Variants in C6 observed in about 807,000 individuals in gnomAD.
C6 encodes the protein complement C6.
C6 carries 101 observed loss-of-function variants against 112.9 expected under a neutral mutation model. That is an observed-to-expected ratio of 0.89 (90% CI 0.76 to 1.06). C6 has a LOEUF of 1.06. C6 is among the 50% of genes least tolerant of loss of function. The pLI is 0.00. For synonymous variants in C6, 431 were observed against 384.1 expected, an observed-to-expected ratio of 1.12 and a Z score of -1.43; for missense variants, 1,202 against 1,104.6, an observed-to-expected ratio of 1.09 and a Z score of -1.25.
At chr5:41,217,830 C>A (rs531471368), upstream of C6, among the ~76,000 whole-genome samples, 1 of 152,062 alleles carries the variant, frequency 6.6e-6, no homozygotes, top group Non-Finnish European at 1.5e-5. Flanking sequence ...AAAAAAAAGC[C>A]TATTGAAGTC....
intron 1 of C6, among the ~76,000 whole-genome samples, chr5:41,248,973 A>G (rs80049874): frequency 0.024 from 3,707 of 152,330 alleles, 162 homozygotes; most frequent in African/African-American, 0.083. Context: ...CTATATAGTC[A>G]TAAAAAAGAA....
At position 41,194,717 on chromosome 5, in the gene C6, T is replaced by C. The variant is rs187338945; in HGVS notation, c.587+1075A>G. The stretch of plus-strand genomic sequence containing the variant: ...AGGGGAGAGTATAGGAGATTATCTT[T>C]ACTGATTTTTTCTTATGTTTCAAAT... On this transcript the variant is annotated intron_variant, in intron 5 of 17. Transcript: ENST00000337836. Among the ~76,000 whole-genome samples, 716 of 132,018 alleles carry C rather than the reference T, an allele frequency of 5.4e-3. 6 individuals carry two copies. The highest frequency in any genetic ancestry group is 0.018 in the African/African-American group (656 of 37,268). 86.6% of individuals were successfully genotyped at this position (132,018 alleles called of 152,430 possible).
At chr5:41,242,022 C>T (rs995849244) in intron 1 of C6, among the ~76,000 whole-genome samples, 3 of 152,044 alleles carry the variant, frequency 2.0e-5, no homozygotes, top group African/African-American at 7.2e-5. Context: ...TATATAGTTA[C>T]CTTGAATAAT....
At chr5:41,156,522 T>C (rs1422869637) in intron 13 of C6, among the ~76,000 whole-genome samples, 2 of 152,178 alleles carry the variant, frequency 1.3e-5, no homozygotes, top group East Asian at 1.9e-4. Flanking sequence ...AGTAATGCAA[T>C]ACAATTTTCC....
At chr5:41,154,182 T>C (rs1338233451) in intron 14 of C6, among the ~76,000 whole-genome samples, 184 bp from the exon 15 acceptor site, 1 of 152,240 alleles carries the variant, frequency 6.6e-6, no homozygotes, top group Admixed American at 6.5e-5. Context: ...GACCCTTCAT[T>C]GAAAAATTCC....
rs185940264 is a variant in C6 at position 41,148,097 on chromosome 5, T to A, written c.2623+1144A>T. 1.4e-4 allele frequency among the ~76,000 whole-genome samples: 22 copies of A among 152,348 alleles called. No homozygotes were observed. The East Asian group carries it at 4.0e-3, about 28-fold the overall frequency. ...AATAATATTTACCTAGAAATGTCCC[T>A]TTCTAAGCTATATCTGAAGGATGTA... is the stretch of plus-strand genomic sequence containing the variant. On this transcript the variant is annotated intron_variant, in intron 17 of 17. Coordinates refer to ENST00000337836, the MANE Select transcript of C6 (RefSeq NM_000065.5).
intron 1 of C6, among the ~76,000 whole-genome samples, chr5:41,211,699 G>T (rs888324479): frequency 6.6e-6 from 1 of 151,998 alleles, no homozygotes; most frequent in Non-Finnish European, 1.5e-5. Flanking sequence ...GACCTTTTCA[G>T]CAAGAAAAAC....
chr5:41,149,642 T>A (rs1212448074), intron 16 of C6, among the ~76,000 whole-genome samples, 160 bp from the exon 17 acceptor site: 1 of 152,130 alleles, frequency 6.6e-6, no homozygotes, highest in Non-Finnish European at 1.5e-5. Flanking sequence ...CAGGAAAGTG[T>A]TGATATAACT....
At chr5:41,174,094 C>T (rs915776630) in intron 8 of C6, among the ~76,000 whole-genome samples, 1 of 152,062 alleles carries the variant, frequency 6.6e-6, no homozygotes, top group Non-Finnish European at 1.5e-5. Context: ...AATGAATTAA[C>T]TATAAACTTA....
At chr5:41,186,800 A>G (rs937701754) in intron 5 of C6, among the ~76,000 whole-genome samples, 1 of 152,122 alleles carries the variant, frequency 6.6e-6, no homozygotes, top group Non-Finnish European at 1.5e-5. Flanking sequence ...TATATTTATT[A>G]CAACCATATG....
At chr5:41,185,218 C>T (rs1254903871) in intron 6 of C6, among the ~76,000 whole-genome samples, 1 of 152,140 alleles carries the variant, frequency 6.6e-6, no homozygotes, top group Non-Finnish European at 1.5e-5. Flanking sequence ...AGACATTCCC[C>T]ACCTATCAGT....
In C6 at chr5:41,181,531, G is replaced by A. The variant is rs189209342; in HGVS notation, c.755C>T (p.Thr252Ile). 643 of 1,613,460 alleles carry A rather than the reference G, an allele frequency of 4.0e-4. 13 individuals carry two copies. The Admixed American group carries it at 0.01, about 26-fold the overall frequency. The change falls in exon 7 of 18, where the codon ACA (threonine) becomes ATA (isoleucine). Residue 252 changes from threonine to isoleucine, a missense_variant. Transcript: ENST00000337836. ...EVQTAEDDLK[T>I]DFYKDLTSLG... ...AGAAGTTAAATCCTTGTAGAAATCT[G>A]TTTTCAAGTCATCTTCTGCAGTTTG... is the stretch of plus-strand genomic sequence containing the variant.
In C6 at chr5:41,144,792, G is replaced by A. The variant is rs191037831; in HGVS notation, c.2624-1786C>T. On this transcript the variant is annotated intron_variant, in intron 17 of 17. Coordinates refer to ENST00000337836, the MANE Select transcript of C6 (RefSeq NM_000065.5). The stretch of plus-strand genomic sequence containing the variant: ...GTCTGTTATTTCTTTGTGTCCGTAT[G>A]TTCTCATTGTTTAGCTCCTGCTTAC... Among the ~76,000 whole-genome samples the A allele has an allele frequency of 5.0e-3, 760 of 152,206 alleles. 2 individuals are homozygous for A. The highest frequency in any genetic ancestry group is 0.018 in the African/African-American group (736 of 41,534).
chr5:41,149,521 T>C, intron 16 of C6, 39 bp from the exon 17 acceptor site: 1 of 1,611,836 alleles, frequency 6.2e-7, no homozygotes, highest in Non-Finnish European at 8.5e-7. Flanking sequence ...TATATGAAGA[T>C]CAGAAAAAAA....
chr5:41,204,204 A>C (rs1452674624), intron 1 of C6, among the ~76,000 whole-genome samples: 1 of 152,184 alleles, frequency 6.6e-6, no homozygotes, highest in Admixed American at 6.5e-5. Flanking sequence ...CATTCGCCTA[A>C]TTTTTCTGTC....
At chr5:41,231,997 G>A (rs114469912) in intron 1 of C6, among the ~76,000 whole-genome samples, 1,895 of 151,868 alleles carry the variant, frequency 0.012, 44 homozygotes, top group African/African-American at 0.044. Flanking sequence ...GACTATATCT[G>A]TTTTTTCTGT....
chr5:41,161,723 C>A lies in C6; in HGVS notation c.1428G>T (p.Val476=), dbSNP rs1467629311. 2 of 1,613,552 alleles carry A rather than the reference C, an allele frequency of 1.2e-6. No homozygotes were observed. Among genetic ancestry groups the A allele is most frequent in the Non-Finnish European group, 1.7e-6 (2 of 1,179,622 alleles). Residue 476 remains valine (V), a synonymous_variant, in exon 10 of 18, where the codon GTG becomes GTT. Coordinates refer to ENST00000337836, the MANE Select transcript of C6 (RefSeq NM_000065.5). Reference sequence around the variant, plus strand: ...AGTCAATCACAGCAGGATTTTCCTTCACTGATTCTAACCACTCAGAAAATG... The same window carrying A: ...AGTCAATCACAGCAGGATTTTCCTTAACTGATTCTAACCACTCAGAAAATG... The part of the protein sequence containing the change: ...EKTFSEWLES[V]KENPAVIDFE...
At chr5:41,196,696 G>T (rs1156630572) in intron 4 of C6, among the ~76,000 whole-genome samples, 1 of 151,242 alleles carries the variant, frequency 6.6e-6, no homozygotes, top group East Asian at 1.9e-4. Flanking sequence ...GTATATAATT[G>T]TTTTCCTGCA....
intron 1 of C6, among the ~76,000 whole-genome samples, chr5:41,246,709 CTGT>C (rs1449264394): frequency 6.6e-6 from 1 of 152,108 alleles, no homozygotes. Flanking sequence ...TGTGTTTATA[CTGT>C]TGTTGTTGGA....
Sources: gnomAD v4.1 joint callset for allele counts (sites outside exome capture counted in the v4.1 genomes callset) on GRCh38, gnomAD v4.1.1 for gene constraint, MANE v1.5 for transcripts, NCBI Gene and HGNC (gene_info 2026-07-23, HGNC 2026-07-21) for gene names.